The following PTPRT variants were observed in gnomAD, a reference collection of about 807,000 sequenced individuals.
PTPRT encodes protein tyrosine phosphatase receptor type T, also known as receptor-type tyrosine-protein phosphatase T.
In PTPRT, 56 loss-of-function variants were observed where a neutral mutation model predicts 176.8. That is an observed-to-expected ratio of 0.32 (90% CI 0.26 to 0.40). The LOEUF is 0.40. Among genes scored for constraint, PTPRT ranks in the 10% least tolerant of loss-of-function variants. The pLI is 1.00. For synonymous variants in PTPRT, 783 were observed against 739.0 expected, an observed-to-expected ratio of 1.06 and a Z score of -0.96; for missense variants, 1,540 against 1,908.2, an observed-to-expected ratio of 0.81 and a Z score of 3.60.
chr20:42,314,645 A>G (rs531164047), intron 12 of PTPRT, among the ~76,000 whole-genome samples: 1 of 152,216 alleles, frequency 6.6e-6, no homozygotes, highest in Non-Finnish European at 1.5e-5. Context: ...TAGCTTGCAG[A>G]AAAGACAATC....
At chr20:42,092,765 A>ATG (rs1984761418) in intron 27 of PTPRT, among the ~76,000 whole-genome samples, 1 of 152,214 alleles carries the variant, frequency 6.6e-6, no homozygotes, top group Non-Finnish European at 1.5e-5. Flanking sequence ...AATGGCAGCA[A>ATG]GAGACATCTC....
At chr20:43,094,398 T>C (rs1281886426) in intron 1 of PTPRT, among the ~76,000 whole-genome samples, 7 of 139,240 alleles carry the variant, frequency 5.0e-5, no homozygotes, top group Admixed American at 4.3e-4. Context: ...TTTCTTTTTT[T>C]TTTTTTTTTT....
intron 2 of PTPRT, among the ~76,000 whole-genome samples, chr20:42,807,314 T>C (rs2077625418): frequency 1.3e-5 from 2 of 152,208 alleles, no homozygotes; most frequent in South Asian, 2.1e-4. Context: ...CTCTCCCAGA[T>C]TCTGTCAAAA....
intron 12 of PTPRT, among the ~76,000 whole-genome samples, chr20:42,284,956 A>C (rs886613244): frequency 6.6e-6 from 1 of 151,728 alleles, no homozygotes; most frequent in Non-Finnish European, 1.5e-5. Context: ...ACATACCCAA[A>C]AGATGAAAAA....
chr20:42,035,470 G>A, the PTPRT span, among the ~76,000 whole-genome samples: 18 of 152,126 alleles, frequency 1.2e-4, no homozygotes, highest in South Asian at 3.7e-3. Flanking sequence ...AACATTTCTG[G>A]CAATGACTCT....
At chr20:43,128,279 T>C (rs772595809) in intron 1 of PTPRT, among the ~76,000 whole-genome samples, 9 of 152,134 alleles carry the variant, frequency 5.9e-5, no homozygotes, top group Non-Finnish European at 1.2e-4. Context: ...GACAAACAGA[T>C]ACAAAGAAAC....
intron 1 of PTPRT, among the ~76,000 whole-genome samples, chr20:42,893,563 T>C (rs2079234339): frequency 6.6e-6 from 1 of 151,872 alleles, no homozygotes; most frequent in South Asian, 2.1e-4. Context: ...CATGCACACG[T>C]ATGTTTATTG....
At chr20:42,049,491 C>T in the PTPRT span, among the ~76,000 whole-genome samples, 2 of 152,162 alleles carry the variant, frequency 1.3e-5, no homozygotes, top group Admixed American at 6.5e-5. Context: ...GAATAGATTC[C>T]TTAAAGGGAA....
At chr20:42,627,493 A>G (rs564378711) in intron 7 of PTPRT, among the ~76,000 whole-genome samples, 1 of 152,052 alleles carries the variant, frequency 6.6e-6, no homozygotes, top group East Asian at 1.9e-4. Flanking sequence ...GTTGGTCTTG[A>G]ACTCCTGGCA....
At chr20:43,115,766 C>T (rs147509791) in intron 1 of PTPRT, among the ~76,000 whole-genome samples, 7 of 152,066 alleles carry the variant, frequency 4.6e-5, no homozygotes, top group African/African-American at 1.4e-4. Flanking sequence ...CCAGACACCC[C>T]GTCCAGGGCT....
intron 9 of PTPRT, among the ~76,000 whole-genome samples, chr20:42,371,765 T>A (rs548188039): frequency 6.6e-6 from 1 of 152,330 alleles, no homozygotes; most frequent in South Asian, 2.1e-4. Flanking sequence ...GAACCTCAAC[T>A]ACACTGGCTG....
Position 43,007,995 on chromosome 20 carries a change from C to CTAAGTGTTAG in PTPRT, c.89-122073_89-122064dup, listed in dbSNP as rs1398372021. On this transcript the variant is annotated intron_variant, in intron 1 of 30. Coordinates refer to ENST00000373187, the MANE Select transcript of PTPRT (RefSeq NM_007050.6). ...CTCAGTCCCTGGCACATGATAAGCA[C>CTAAGTGTTAG]TAAGTGTTAGTAAATTATTCTTCCT... Among the ~76,000 whole-genome samples, 4 of 152,200 alleles carry CTAAGTGTTAG rather than the reference C, an allele frequency of 2.6e-5. No homozygotes were observed. The East Asian group carries it at 7.7e-4, about 29-fold the overall frequency.
intron 1 of PTPRT, among the ~76,000 whole-genome samples, chr20:42,980,849 T>A (rs936157408): frequency 1.3e-5 from 2 of 152,318 alleles, no homozygotes; most frequent in South Asian, 4.1e-4. Flanking sequence ...ATTTACTAGT[T>A]TTACAACCCA....
At chr20:42,761,443 A>T (rs980248812) in intron 5 of PTPRT, among the ~76,000 whole-genome samples, 4 of 152,162 alleles carry the variant, frequency 2.6e-5, no homozygotes, top group Non-Finnish European at 4.4e-5. Context: ...TCAAAAAAAA[A>T]AAAATAAAAC....
At chr20:42,861,622 C>T (rs773922024) in intron 2 of PTPRT, among the ~76,000 whole-genome samples, 2 of 151,622 alleles carry the variant, frequency 1.3e-5, no homozygotes, top group Non-Finnish European at 2.9e-5. Context: ...AACAGTTACA[C>T]AAACATGTAG....
At chr20:43,021,366 G>A (rs962178208) in intron 1 of PTPRT, among the ~76,000 whole-genome samples, 9 of 152,100 alleles carry the variant, frequency 5.9e-5, no homozygotes, top group African/African-American at 2.2e-4. Context: ...AAAAAGTTCT[G>A]GTCTTTTCCC....
intron 4 of PTPRT, among the ~76,000 whole-genome samples, chr20:42,776,668 G>A (rs550758869): frequency 1.3e-5 from 2 of 151,232 alleles, no homozygotes; most frequent in East Asian, 1.9e-4. Flanking sequence ...GCAAACTAAC[G>A]CACTGTCTGT....
intron 7 of PTPRT, among the ~76,000 whole-genome samples, chr20:42,477,171 C>T (rs1202777425): frequency 6.6e-6 from 1 of 152,128 alleles, no homozygotes. Context: ...CCAGGAATTG[C>T]TTGTTCATGT....
chr20:42,214,624 T>C (rs772442373), intron 15 of PTPRT, among the ~76,000 whole-genome samples: 28 of 152,242 alleles, frequency 1.8e-4, no homozygotes, highest in Non-Finnish European at 3.1e-4. Context: ...TATCTGTCTA[T>C]CTCTGCTTCT....
Sources: allele counts gnomAD v4.1 joint callset (sites outside exome capture counted in the v4.1 genomes callset), GRCh38; gene constraint gnomAD v4.1.1; transcripts MANE v1.5; gene names NCBI Gene and HGNC (gene_info 2026-07-23, HGNC 2026-07-21).